Variants in CMTM8 observed in about 807,000 individuals in gnomAD.
The protein encoded by CMTM8 is CKLF-like MARVEL transmembrane domain-containing protein 8.
In CMTM8, 12 loss-of-function variants were observed where a neutral mutation model predicts 18.6. That is an observed-to-expected ratio of 0.65 (90% CI 0.41 to 1.05). CMTM8 has a LOEUF of 1.05. Ranked by LOEUF, CMTM8 falls within the 50% of genes least tolerant of loss-of-function variation. The pLI is 0.00. For synonymous variants in CMTM8, 87 were observed against 90.6 expected (o/e 0.96, Z 0.23); for missense variants, 217 against 227.2 (o/e 0.95, Z 0.29).
intron 1 of CMTM8, among the ~76,000 whole-genome samples, chr3:32,249,372 G>A (rs1702085793): frequency 6.6e-6 from 1 of 151,310 alleles, no homozygotes; most frequent in Non-Finnish European, 1.5e-5. Flanking sequence ...TGAAGCTGCA[G>A]TGAGCTGAGA....
At position 32,251,198 on chromosome 3, in the gene CMTM8, A is replaced by G. The variant is rs575428852; in HGVS notation, c.147+12079A>G. ...CTGGTCAGAGAGAACACCAGCTATA[A>G]ATAATATTCAGGGGAGCCTGAACAT... On this transcript the variant is annotated intron_variant, in intron 1 of 3. Transcript: ENST00000307526. Among the ~76,000 whole-genome samples the G allele has an allele frequency of 8.5e-5, 13 of 152,350 alleles. 1 individual carries two copies. The highest frequency in any genetic ancestry group is 7.2e-4 in the Admixed American group (11 of 15,298).
intron 1 of CMTM8, among the ~76,000 whole-genome samples, chr3:32,289,260 C>G (rs1211337196): frequency 6.6e-6 from 1 of 152,190 alleles, no homozygotes; most frequent in Non-Finnish European, 1.5e-5. Flanking sequence ...TCCTGATTAA[C>G]CTTCTCTTTA....
chr3:32,293,037 C>A (rs1702806897), intron 1 of CMTM8, among the ~76,000 whole-genome samples: 1 of 148,808 alleles, frequency 6.7e-6, no homozygotes, highest in African/African-American at 2.6e-5. Context: ...TATCCTGATA[C>A]ATGTGTCCCA....
At chr3:32,305,794 G>A (rs1695704760) in intron 1 of CMTM8, among the ~76,000 whole-genome samples, 2 of 152,138 alleles carry the variant, frequency 1.3e-5, no homozygotes, top group South Asian at 4.1e-4. Context: ...CATGCCACTG[G>A]CAACCATATT....
intron 2 of CMTM8, among the ~76,000 whole-genome samples, chr3:32,362,372 T>C (rs940464967): frequency 6.6e-6 from 1 of 152,194 alleles, no homozygotes; most frequent in African/African-American, 2.4e-5. Context: ...GTACATACTA[T>C]GTGCTAGATG....
intron 1 of CMTM8, among the ~76,000 whole-genome samples, chr3:32,251,471 AC>A (rs1372147009): frequency 7.3e-6 from 1 of 136,308 alleles, no homozygotes; most frequent in Non-Finnish European, 1.6e-5. Flanking sequence ...ATGCCACCAC[AC>A]CCCGCTAATT....
intron 1 of CMTM8, among the ~76,000 whole-genome samples, chr3:32,311,690 T>C (rs1169032492): frequency 6.6e-6 from 1 of 152,108 alleles, no homozygotes; most frequent in Non-Finnish European, 1.5e-5. Context: ...TAGTTCTTTT[T>C]CCCCCCACAC....
intron 1 of CMTM8, among the ~76,000 whole-genome samples, chr3:32,338,298 A>T (rs1315115642): frequency 6.6e-6 from 1 of 151,890 alleles, no homozygotes; most frequent in Non-Finnish European, 1.5e-5. Flanking sequence ...TTTACAGTAA[A>T]AGCATGCCAA....
Position 32,238,716 on chromosome 3 carries a change from C to T in CMTM8, c.-257C>T, listed in dbSNP as rs1701902101. ...CTTCCCCGGCTGCCCGGCAGCCTCC[C>T]CTCGCTCGCTCTCCTCTTCCTCTAG... On this transcript the variant is annotated 5_prime_UTR_variant, in exon 1 of 4. Coordinates refer to ENST00000307526, the MANE Select transcript of CMTM8 (RefSeq NM_178868.5). The T allele has an allele frequency of 4.2e-6, 1 of 236,768 alleles. No homozygotes were observed. Among genetic ancestry groups the T allele is most frequent in the Non-Finnish European group, 8.1e-6 (1 of 123,848 alleles). The allele number at this position is 236,768 out of a possible 1,614,324, so 14.7% of individuals were successfully genotyped here. A position where few individuals can be genotyped will look rare whatever the true frequency, so the allele number is the denominator to read the frequency against.
intron 1 of CMTM8, among the ~76,000 whole-genome samples, chr3:32,277,236 AAC>A (rs1378804937): frequency 6.6e-6 from 1 of 152,070 alleles, no homozygotes; most frequent in Admixed American, 6.6e-5. Flanking sequence ...AAGAGAAAGG[AAC>A]AGAGTTTAAT....
intron 1 of CMTM8, chr3:32,260,304 T>C: frequency 2.8e-6 from 2 of 702,610 alleles, no homozygotes; most frequent in Non-Finnish European, 2.4e-6. Flanking sequence ...AAAAAAAAAG[T>C]ATTATCTCGC....
chr3:32,307,869 G>C (rs1408113713), intron 1 of CMTM8, among the ~76,000 whole-genome samples: 1 of 152,212 alleles, frequency 6.6e-6, no homozygotes, highest in African/African-American at 2.4e-5. Context: ...CACTTTGAGA[G>C]CCAGTCTGGG....
chr3:32,259,348 G>A (rs1357645218), intron 1 of CMTM8: 4 of 741,336 alleles, frequency 5.4e-6, no homozygotes, highest in African/African-American at 5.1e-5. Context: ...AAGACCTGAG[G>A]GCTCAGGTCT....
At chr3:32,259,614 C>T (rs4245883) in intron 1 of CMTM8, 1,135,196 of 1,290,020 alleles carry the variant, frequency 0.88, 503,236 homozygotes, top group Non-Finnish European at 0.91. Flanking sequence ...GGCCTACAAG[C>T]CCAGATTGCC....
intron 1 of CMTM8, among the ~76,000 whole-genome samples, chr3:32,327,174 A>G (rs1415232315): frequency 3.9e-5 from 6 of 152,146 alleles, no homozygotes; most frequent in African/African-American, 1.4e-4. Flanking sequence ...ATCCAGGAAA[A>G]CTCAAGTTTA....
chr3:32,287,359 A>G (rs1357456154), intron 1 of CMTM8, among the ~76,000 whole-genome samples: 1 of 152,202 alleles, frequency 6.6e-6, no homozygotes, highest in African/African-American at 2.4e-5. Flanking sequence ...TTTGTTTTCC[A>G]AGTTTTACCT....
intron 1 of CMTM8, among the ~76,000 whole-genome samples, chr3:32,311,796 C>T (rs1405111993): frequency 6.6e-6 from 1 of 152,204 alleles, no homozygotes; most frequent in Middle Eastern, 3.2e-3. Flanking sequence ...GTCTCAGTCC[C>T]ACCAGACTGC....
At chr3:32,320,234 G>A (rs1235220361) in intron 1 of CMTM8, among the ~76,000 whole-genome samples, 5 of 152,154 alleles carry the variant, frequency 3.3e-5, no homozygotes, top group South Asian at 4.1e-4. Flanking sequence ...CCAAATGCCC[G>A]TCACCTGATG....
At chr3:32,317,072 G>T (rs1209802591) in intron 1 of CMTM8, among the ~76,000 whole-genome samples, 1 of 152,210 alleles carries the variant, frequency 6.6e-6, no homozygotes, top group Non-Finnish European at 1.5e-5. Context: ...TCAAGGGAAA[G>T]GGTGAAGTGC....
Sources: gnomAD v4.1 joint callset for allele counts (sites outside exome capture counted in the v4.1 genomes callset) on GRCh38, gnomAD v4.1.1 for gene constraint, MANE v1.5 for transcripts, NCBI Gene and HGNC (gene_info 2026-07-23, HGNC 2026-07-21) for gene names.